UMAD1: variants seen among roughly 807,000 people sequenced by gnomAD.
UMAD1 encodes UBAP1-MVB12-associated (UMA) domain containing 1.
Under a neutral mutation model 6.1 loss-of-function variants are expected in UMAD1, and 8 were observed. The observed-to-expected ratio is 1.30, with a 90% confidence interval of 0.76 to 2.35. The LOEUF (loss-of-function observed/expected upper bound fraction) is 2.35, where lower values mean the gene tolerates loss of function less well. UMAD1 is among the 30% of genes most tolerant of loss of function. The probability of loss-of-function intolerance (pLI) is 0.00; values close to 1 mark genes in which losing one functional copy is unlikely to be tolerated. For missense variants in UMAD1, 130 were observed against 78.4 expected, an observed-to-expected ratio of 1.66 and a Z score of -2.49; for synonymous variants, 56 against 31.4, an observed-to-expected ratio of 1.78 and a Z score of -2.61.
At chr7:7,667,744 T>C (rs1433115301) in intron 1 of UMAD1, among the ~76,000 whole-genome samples, 1 of 152,146 alleles carries the variant, frequency 6.6e-6, no homozygotes, top group African/African-American at 2.4e-5. Context: ...TTGACTAACA[T>C]TGAGAAATAT....
chr7:7,818,997 A>G (rs923678071), intron 3 of UMAD1, among the ~76,000 whole-genome samples: 1 of 152,012 alleles, frequency 6.6e-6, no homozygotes, highest in African/African-American at 2.4e-5. Flanking sequence ...TTGCAGATGC[A>G]TGCCACAACA....
chr7:7,820,088 A>G (rs2115294848), intron 3 of UMAD1, among the ~76,000 whole-genome samples: 1 of 152,352 alleles, frequency 6.6e-6, no homozygotes, highest in South Asian at 2.1e-4. Flanking sequence ...AGGGCATCAC[A>G]GGGCTAAACA....
chr7:7,662,718 G>GTTGA (rs1423605678), intron 1 of UMAD1, among the ~76,000 whole-genome samples: 1 of 152,178 alleles, frequency 6.6e-6, no homozygotes, highest in Non-Finnish European at 1.5e-5. Flanking sequence ...CGCCTTCTGT[G>GTTGA]TTGATCTCAC....
At chr7:7,876,634 G>A (rs1053400549) in intron 3 of UMAD1, among the ~76,000 whole-genome samples, 6 of 152,082 alleles carry the variant, frequency 3.9e-5, no homozygotes, top group Non-Finnish European at 7.4e-5. Flanking sequence ...TGACATAACA[G>A]GTTAGTTCCA....
At chr7:7,838,127 G>A (rs1783605716) in intron 3 of UMAD1, among the ~76,000 whole-genome samples, 1 of 152,076 alleles carries the variant, frequency 6.6e-6, no homozygotes, top group African/African-American at 2.4e-5. Context: ...TTGATTTATT[G>A]AATAAACCAG....
intron 2 of UMAD1, among the ~76,000 whole-genome samples, chr7:7,699,733 A>G (rs1052832172): frequency 2.0e-5 from 3 of 152,222 alleles, no homozygotes; most frequent in African/African-American, 7.2e-5. Context: ...GTGCACCACA[A>G]CTTGTAAGGT....
intron 1 of UMAD1, among the ~76,000 whole-genome samples, chr7:7,658,466 T>C (rs1785397525): frequency 6.6e-6 from 1 of 152,228 alleles, no homozygotes; most frequent in Non-Finnish European, 1.5e-5. Flanking sequence ...ATAGCTCTTA[T>C]TATTTTGAGA....
intron 3 of UMAD1, among the ~76,000 whole-genome samples, chr7:7,817,026 C>T (rs905273747): frequency 6.6e-6 from 1 of 152,192 alleles, no homozygotes; most frequent in African/African-American, 2.4e-5. Flanking sequence ...GGTCCTGCTC[C>T]TCTGTGTAAA....
chr7:7,846,928 G>A, intron 3 of UMAD1, among the ~76,000 whole-genome samples: 1 of 116,762 alleles, frequency 8.6e-6, no homozygotes, highest in African/African-American at 3.5e-5. Context: ...AGGGGGTAGG[G>A]ATAGCATTGG....
chr7:7,879,214 T>C lies in UMAD1; in HGVS notation c.*1676T>C, dbSNP rs1784481646. 1 of 152,182 alleles carries C rather than the reference T, an allele frequency of 6.6e-6. No individual in the cohort carries two copies. The highest frequency in any genetic ancestry group is 1.5e-5 in the Non-Finnish European group (1 of 68,004). The allele number at this position is 152,182 out of a possible 1,614,324, so 9.4% of individuals were successfully genotyped here. On this transcript the variant is annotated 3_prime_UTR_variant, in exon 4 of 4. Transcript: ENST00000682710. ...AATAAAATTTTTGATTATTTTCAGATCCAGAAAAATGGGTTTGATTGCATT... is the reference window on the plus strand; with the variant it reads ...AATAAAATTTTTGATTATTTTCAGACCCAGAAAAATGGGTTTGATTGCATT...
At chr7:7,683,549 A>T (rs1247524081) in intron 2 of UMAD1, among the ~76,000 whole-genome samples, 1 of 152,216 alleles carries the variant, frequency 6.6e-6, no homozygotes, top group Non-Finnish European at 1.5e-5. Flanking sequence ...ATTTCCTTCA[A>T]TATATTAAAT....
At chr7:7,861,055 TATAG>T (rs1563267419) in intron 3 of UMAD1, among the ~76,000 whole-genome samples, 2 of 151,698 alleles carry the variant, frequency 1.3e-5, no homozygotes. Flanking sequence ...TAGGCAAATA[TATAG>T]AGACAAAAAG....
intron 3 of UMAD1, among the ~76,000 whole-genome samples, chr7:7,852,560 G>T (rs1402883904): frequency 6.6e-6 from 1 of 152,094 alleles, no homozygotes; most frequent in East Asian, 1.9e-4. Flanking sequence ...AGAACTCAGG[G>T]AAACATGTTT....
At chr7:7,806,738 C>G (rs1782924611) in intron 3 of UMAD1, among the ~76,000 whole-genome samples, 1 of 152,058 alleles carries the variant, frequency 6.6e-6, no homozygotes, top group Non-Finnish European at 1.5e-5. Context: ...ATTCAGTTAG[C>G]TTTAAATATA....
At chr7:7,825,524 G>T (rs1247327469) in intron 3 of UMAD1, among the ~76,000 whole-genome samples, 3 of 152,108 alleles carry the variant, frequency 2.0e-5, no homozygotes, top group Non-Finnish European at 4.4e-5. Context: ...AAGAGCTTGT[G>T]CAGGGAAATT....
At chr7:7,799,881 T>C (rs558438616) in intron 2 of UMAD1, among the ~76,000 whole-genome samples, 1 of 152,350 alleles carries the variant, frequency 6.6e-6, no homozygotes, top group South Asian at 2.1e-4. Flanking sequence ...TAAAGTCTTA[T>C]CTTGTCACTG....
intron 3 of UMAD1, among the ~76,000 whole-genome samples, chr7:7,823,641 A>T (rs185397182): frequency 6.6e-6 from 1 of 152,286 alleles, no homozygotes; most frequent in East Asian, 1.9e-4. Context: ...TCATTTTTTA[A>T]AAAAGAGAAA....
chr7:7,785,238 G>A (rs182951403), intron 2 of UMAD1, among the ~76,000 whole-genome samples: 2 of 152,290 alleles, frequency 1.3e-5, no homozygotes, highest in East Asian at 3.9e-4. Context: ...AATGCAGTAA[G>A]ACTTTTAAGA....
intron 3 of UMAD1, among the ~76,000 whole-genome samples, chr7:7,834,605 G>T (rs1328123917): frequency 1.4e-5 from 2 of 146,352 alleles, no homozygotes; most frequent in Non-Finnish European, 3.1e-5. Flanking sequence ...CCACCTTCTT[G>T]CTGTGTCTTC....
Sources: allele counts gnomAD v4.1 joint callset (sites outside exome capture counted in the v4.1 genomes callset), GRCh38; gene constraint gnomAD v4.1.1; transcripts MANE v1.5; gene names NCBI Gene and HGNC (gene_info 2026-07-23, HGNC 2026-07-21).